The following EYS variants were observed in gnomAD, a reference collection of about 807,000 sequenced individuals.
The protein encoded by EYS is protein eyes shut homolog.
Under a neutral mutation model 282.1 loss-of-function variants are expected in EYS, and 250 were observed. That is an observed-to-expected ratio of 0.89 (90% CI 0.80 to 0.98). The LOEUF (loss-of-function observed/expected upper bound fraction) is 0.98, where lower values mean the gene tolerates loss of function less well. EYS is among the 50% of genes least tolerant of loss of function. EYS has a pLI of 0.00. For missense variants in EYS, 4,016 were observed against 3,709.0 expected, an observed-to-expected ratio of 1.08 and a Z score of -2.15; for synonymous variants, 1,355 against 1,282.9, an observed-to-expected ratio of 1.06 and a Z score of -1.20.
intron 22 of EYS, among the ~76,000 whole-genome samples, chr6:64,792,220 T>C (rs965746657): frequency 6.6e-6 from 1 of 151,940 alleles, no homozygotes; most frequent in Non-Finnish European, 1.5e-5. Flanking sequence ...CCAAATTATT[T>C]CCTATTAACT....
rs571292937 is a variant in EYS at position 64,040,412 on chromosome 6, G to A, written c.6725+25926C>T. Among the ~76,000 whole-genome samples, 8 of 152,226 alleles carry A rather than the reference G, an allele frequency of 5.3e-5. No individual in the cohort carries two copies. The East Asian group carries it at 1.5e-3, about 29-fold the overall frequency. ...GTGTATTTGATAACTCATTGCTTCT[G>A]AAAATAATCAATCTTGTGAAAGTTA... On this transcript the variant is annotated intron_variant, in intron 33 of 42. Coordinates refer to ENST00000503581, the MANE Select transcript of EYS (RefSeq NM_001142800.2).
At chr6:65,353,824 T>C (rs184866079) in intron 8 of EYS, among the ~76,000 whole-genome samples, 4 of 152,234 alleles carry the variant, frequency 2.6e-5, no homozygotes, top group Admixed American at 2.6e-4. Flanking sequence ...CAAAAGCCTA[T>C]ATGATAATCT....
At chr6:63,795,909 T>C (rs1398683967) in intron 37 of EYS, among the ~76,000 whole-genome samples, 1 of 152,162 alleles carries the variant, frequency 6.6e-6, no homozygotes, top group Non-Finnish European at 1.5e-5. Flanking sequence ...CCTGAGTGCC[T>C]TATGGTAATC....
At chr6:65,327,851 T>C (rs965348470) in intron 11 of EYS, among the ~76,000 whole-genome samples, 15 of 151,528 alleles carry the variant, frequency 9.9e-5, no homozygotes, top group Admixed American at 2.0e-4. Context: ...CTGATAATAG[T>C]CATTTCCTAT....
chr6:65,148,633 T>C (rs1286212469), intron 12 of EYS, among the ~76,000 whole-genome samples: 1 of 152,064 alleles, frequency 6.6e-6, no homozygotes, highest in Non-Finnish European at 1.5e-5. Context: ...GGACCTCTTC[T>C]GACAGCTCCA....
chr6:64,623,138 A>AT (rs1227527312), intron 23 of EYS, among the ~76,000 whole-genome samples: 1 of 152,084 alleles, frequency 6.6e-6, no homozygotes, highest in Non-Finnish European at 1.5e-5. Flanking sequence ...GGTCAATTCA[A>AT]TTTTTTACTG....
chr6:63,809,900 G>T (rs1770997322), intron 36 of EYS, among the ~76,000 whole-genome samples: 1 of 151,908 alleles, frequency 6.6e-6, no homozygotes, highest in South Asian at 2.1e-4. Flanking sequence ...ATATGGCCGA[G>T]AAATAAGGCA....
At chr6:65,029,839 C>G (rs966616715) in intron 13 of EYS, among the ~76,000 whole-genome samples, 7 of 152,114 alleles carry the variant, frequency 4.6e-5, no homozygotes, top group Non-Finnish European at 1.0e-4. Flanking sequence ...GAATGGGGAG[C>G]AATCTGGAAT....
intron 28 of EYS, among the ~76,000 whole-genome samples, chr6:64,396,642 CA>C (rs1222902619): frequency 4.0e-5 from 6 of 151,870 alleles, no homozygotes; most frequent in Non-Finnish European, 8.8e-5. Flanking sequence ...TATGGAAATC[CA>C]ATCGACTCAG....
At chr6:63,938,927 C>T (rs149367632) in intron 35 of EYS, among the ~76,000 whole-genome samples, 1 of 152,194 alleles carries the variant, frequency 6.6e-6, no homozygotes, top group Non-Finnish European at 1.5e-5. Flanking sequence ...TAACAGAAAT[C>T]AAAAGGCAAA....
chr6:65,370,463 C>A (rs1031622202), intron 8 of EYS, among the ~76,000 whole-genome samples: 1 of 151,464 alleles, frequency 6.6e-6, no homozygotes, highest in Middle Eastern at 3.4e-3. Flanking sequence ...TGATGTATTC[C>A]AGGCTGGTCT....
chr6:65,429,845 C>A (rs922078150), intron 5 of EYS, among the ~76,000 whole-genome samples: 1 of 151,510 alleles, frequency 6.6e-6, no homozygotes, highest in Non-Finnish European at 1.5e-5. Flanking sequence ...AGAAGAGATA[C>A]TTTTAATTAT....
chr6:65,052,627 G>A (rs1346343840), intron 13 of EYS, among the ~76,000 whole-genome samples: 3 of 151,588 alleles, frequency 2.0e-5, no homozygotes, highest in Non-Finnish European at 4.4e-5. Flanking sequence ...TGAAAAGCAT[G>A]AGGTTTTGTT....
intron 31 of EYS, among the ~76,000 whole-genome samples, chr6:64,117,337 C>G (rs116371589): frequency 0.05 from 7,454 of 150,032 alleles, 605 homozygotes; most frequent in African/African-American, 0.16. Context: ...AACCCCCCCC[C>G]CAATTAGTAG....
intron 22 of EYS, among the ~76,000 whole-genome samples, chr6:64,670,655 G>C (rs560388577): frequency 1.3e-5 from 2 of 152,144 alleles, no homozygotes; most frequent in South Asian, 4.1e-4. Flanking sequence ...ATGCAATCTT[G>C]CTTGTTTTAG....
At chr6:65,575,660 G>C (rs1396529674) in intron 2 of EYS, among the ~76,000 whole-genome samples, 2 of 151,762 alleles carry the variant, frequency 1.3e-5, no homozygotes, top group Non-Finnish European at 2.9e-5. Flanking sequence ...ATTAAAATTT[G>C]TGTTCTTTTA....
chr6:64,016,382 G>C (rs73443014), intron 33 of EYS, among the ~76,000 whole-genome samples: 2 of 152,076 alleles, frequency 1.3e-5, no homozygotes, highest in South Asian at 4.1e-4. Flanking sequence ...TAGGGGTTAA[G>C]TAATTTGCTC....
At chr6:63,725,563 T>G (rs546455410) in intron 42 of EYS, among the ~76,000 whole-genome samples, 93 of 152,274 alleles carry the variant, frequency 6.1e-4, no homozygotes, top group Non-Finnish European at 1.2e-3. Flanking sequence ...GGAGATTTAA[T>G]CATGAATTTA....
At chr6:65,089,974 T>A (rs903499744) in intron 12 of EYS, among the ~76,000 whole-genome samples, 48 of 93,230 alleles carry the variant, frequency 5.1e-4, no homozygotes, top group Non-Finnish European at 8.6e-4. Context: ...TATATATATA[T>A]AAATAAATAC....
Sources: gnomAD v4.1 joint callset for allele counts (sites outside exome capture counted in the v4.1 genomes callset) on GRCh38, gnomAD v4.1.1 for gene constraint, MANE v1.5 for transcripts, NCBI Gene and HGNC (gene_info 2026-07-23, HGNC 2026-07-21) for gene names.